The following KRABD2 variants were observed in gnomAD, a reference collection of about 807,000 sequenced individuals.
KRABD2 encodes KRAB domain-containing protein 2.
the KRABD2 span, among the ~76,000 whole-genome samples, chr17:8,374,628 T>TAA: frequency 0.017 from 1,186 of 71,392 alleles, 23 homozygotes; most frequent in African/African-American, 0.059. Flanking sequence ...CAATAAATAC[T>TAA]AAAAAAAAAA....
At chr17:8,363,445 A>G in the KRABD2 span, among the ~76,000 whole-genome samples, 2 of 152,170 alleles carry the variant, frequency 1.3e-5, no homozygotes, top group East Asian at 1.9e-4. Context: ...TCCGCCTCCT[A>G]GATTCAAGCA....
the KRABD2 span, chr17:8,370,002 A>G: frequency 1.8e-4 from 286 of 1,614,102 alleles, 1 homozygote; most frequent in Non-Finnish European, 2.1e-4. Flanking sequence ...ACCATGTCCA[A>G]TACTGAGATG....
the KRABD2 span, among the ~76,000 whole-genome samples, chr17:8,373,318 A>T: frequency 1.3e-5 from 2 of 152,090 alleles, no homozygotes; most frequent in African/African-American, 2.4e-5. Context: ...GGGATTGCCC[A>T]CAGGCGCCGC....
At chr17:8,367,727 C>T in the KRABD2 span, among the ~76,000 whole-genome samples, 1 of 151,320 alleles carries the variant, frequency 6.6e-6, no homozygotes. Context: ...GACCCTGCGG[C>T]CTTCCGCAGT....
the KRABD2 span, among the ~76,000 whole-genome samples, chr17:8,363,830 C>CATACATATATATAT: frequency 2.3e-4 from 20 of 86,972 alleles, no homozygotes; most frequent in African/African-American, 5.4e-4. Context: ...ATATATCATA[C>CATACATATATATAT]ATATATATAT....
the KRABD2 span, chr17:8,371,433 T>G: frequency 6.2e-7 from 1 of 1,614,206 alleles, no homozygotes. Flanking sequence ...GAAACAACAT[T>G]GGCTGCTGCC....
At chr17:8,360,948 G>A in the KRABD2 span, among the ~76,000 whole-genome samples, 37 of 152,244 alleles carry the variant, frequency 2.4e-4, no homozygotes, top group African/African-American at 8.2e-4. Flanking sequence ...AAGCAAGAAT[G>A]TAAGTCTGAG....
chr17:8,375,047 T>C, the KRABD2 span, among the ~76,000 whole-genome samples: 1 of 151,218 alleles, frequency 6.6e-6, no homozygotes, highest in Non-Finnish European at 1.5e-5. Context: ...AGTTTTGCTC[T>C]GTCATCCAGG....
chr17:8,369,810 A>G, the KRABD2 span: 2 of 1,614,252 alleles, frequency 1.2e-6, no homozygotes, highest in Non-Finnish European at 1.7e-6. Context: ...CTGCATGTCA[A>G]GTATTTCAAC....
the KRABD2 span, among the ~76,000 whole-genome samples, chr17:8,373,106 CTCTCCATCTCCGTCTCCACGG>C: frequency 6.6e-6 from 1 of 151,764 alleles, no homozygotes; most frequent in Non-Finnish European, 1.5e-5. Flanking sequence ...CCCTCTTCCT[CTCTCCATCTCCGTCTCCACGG>C]TCTCCCTCTC....
the KRABD2 span, among the ~76,000 whole-genome samples, chr17:8,375,136 C>T: frequency 2.0e-5 from 3 of 151,620 alleles, no homozygotes; most frequent in Admixed American, 2.0e-4. Flanking sequence ...CTCAGCCTCC[C>T]GAGTGGCCGG....
chr17:8,368,712 C>A, the KRABD2 span: 1 of 158,818 alleles, frequency 6.3e-6, no homozygotes, highest in Non-Finnish European at 1.4e-5. Flanking sequence ...TCTCGGCTCA[C>A]TGCAACCTCT....
At chr17:8,364,937 G>A in the KRABD2 span, among the ~76,000 whole-genome samples, 8 of 152,180 alleles carry the variant, frequency 5.3e-5, no homozygotes, top group East Asian at 9.7e-4. The surrounding 1 kb of genome is among the most constrained non-coding windows in gnomAD (Gnocchi z 4.4). Context: ...AGGAGGCTGA[G>A]GCAGAAGAAT....
At chr17:8,374,061 G>A in the KRABD2 span, among the ~76,000 whole-genome samples, 1 of 150,484 alleles carries the variant, frequency 6.6e-6, no homozygotes, top group South Asian at 2.1e-4. Context: ...GCCCCCGCCC[G>A]GCCGGCCGCC....
the KRABD2 span, among the ~76,000 whole-genome samples, chr17:8,362,112 G>A: frequency 6.6e-6 from 1 of 152,098 alleles, no homozygotes; most frequent in African/African-American, 2.4e-5. This position sits in a 1 kb window ranked among gnomAD's most constrained non-coding sequence, Gnocchi z 4.2. Flanking sequence ...GGTGGATCAC[G>A]AGGTCAGGAG....
chr17:8,376,539 G>T, the KRABD2 span: 2 of 988,746 alleles, frequency 2.0e-6, no homozygotes, highest in South Asian at 4.7e-5. Flanking sequence ...TGCTCCCACC[G>T]CCTGGATCCA....
the KRABD2 span, chr17:8,371,601 T>C: frequency 6.7e-7 from 1 of 1,498,486 alleles, no homozygotes; most frequent in African/African-American, 1.4e-5. Context: ...AGGTCTCACA[T>C]CTAACAAGAT....
At chr17:8,371,239 T>G in the KRABD2 span, 1 of 1,287,176 alleles carries the variant, frequency 7.8e-7, no homozygotes, top group Non-Finnish European at 1.1e-6. Flanking sequence ...GCTGTGGGGA[T>G]ATTTTTAAAT....
At chr17:8,369,370 T>C in the KRABD2 span, 1 of 1,614,258 alleles carries the variant, frequency 6.2e-7, no homozygotes, top group Non-Finnish European at 8.5e-7. Context: ...AATTTGGCTT[T>C]ATAGCCAAAC....
Sources: allele counts gnomAD v4.1 joint callset (sites outside exome capture counted in the v4.1 genomes callset), GRCh38; gene constraint gnomAD v4.1.1; non-coding constraint Gnocchi (gnomAD v3.1); transcripts MANE v1.5; gene names NCBI Gene and HGNC (gene_info 2026-07-23, HGNC 2026-07-21).